The following ZEB1 variants were observed in gnomAD, a reference collection of about 807,000 sequenced individuals.
ZEB1 encodes zinc finger E-box-binding homeobox 1.
ZEB1 carries 21 observed loss-of-function variants against 84.9 expected under a neutral mutation model. That is an observed-to-expected ratio of 0.25 (90% confidence interval 0.18 to 0.36). ZEB1 has a LOEUF of 0.36. ZEB1 is among the 10% of genes least tolerant of loss of function. The pLI is 1.00. For missense variants in ZEB1, 1,104 were observed against 1,330.2 expected (o/e 0.83, Z 2.65); for synonymous variants, 420 against 471.1 (o/e 0.89, Z 1.41).
At chr10:31,370,596 C>G (rs1298303322) in intron 1 of ZEB1, among the ~76,000 whole-genome samples, 1 of 152,146 alleles carries the variant, frequency 6.6e-6, no homozygotes, top group Non-Finnish European at 1.5e-5. Context: ...ATACAACTTT[C>G]TTTCCCTAAC....
intron 4 of ZEB1, 38 bp from the exon 5 acceptor site, chr10:31,510,635 A>G (rs1028907039): frequency 1.3e-6 from 2 of 1,559,414 alleles, no homozygotes; most frequent in African/African-American, 2.7e-5. Context: ...TATTTTCTGA[A>G]TGTTTTAAAT....
chr10:31,458,980 A>G (rs1178319003), intron 1 of ZEB1, among the ~76,000 whole-genome samples: 2 of 152,148 alleles, frequency 1.3e-5, no homozygotes, highest in Non-Finnish European at 2.9e-5. Flanking sequence ...TGCATTTAAT[A>G]TACTTAACCT....
At chr10:31,431,518 C>T (rs2057709555) in intron 1 of ZEB1, among the ~76,000 whole-genome samples, 1 of 152,040 alleles carries the variant, frequency 6.6e-6, no homozygotes, top group South Asian at 2.1e-4. Context: ...GAAGCATAAA[C>T]AAAATTTATT....
intron 1 of ZEB1, among the ~76,000 whole-genome samples, chr10:31,398,699 A>G (rs1340245546): frequency 6.6e-6 from 1 of 152,132 alleles, no homozygotes; most frequent in Non-Finnish European, 1.5e-5. Flanking sequence ...TGCCAATCAG[A>G]TGGTCATCTC....
At chr10:31,440,943 G>A (rs1156681334) in intron 1 of ZEB1, among the ~76,000 whole-genome samples, 2 of 152,154 alleles carry the variant, frequency 1.3e-5, no homozygotes, top group African/African-American at 4.8e-5. Context: ...CATGCTCATG[G>A]ATAGGAAGAA....
intron 1 of ZEB1, among the ~76,000 whole-genome samples, chr10:31,420,935 C>T (rs538349562): frequency 6.6e-6 from 1 of 152,198 alleles, no homozygotes; most frequent in African/African-American, 2.4e-5. Context: ...ACAGTCCAGC[C>T]TGTTTCTTGA....
intron 1 of ZEB1, among the ~76,000 whole-genome samples, chr10:31,409,351 A>G (rs1355489407): frequency 6.6e-6 from 1 of 152,022 alleles, no homozygotes; most frequent in South Asian, 2.1e-4. Flanking sequence ...TTCCTCAGGG[A>G]TCTAGAACTA....
chr10:31,374,183 C>T (rs767845412), intron 1 of ZEB1, among the ~76,000 whole-genome samples: 1 of 151,782 alleles, frequency 6.6e-6, no homozygotes, highest in African/African-American at 2.4e-5. Flanking sequence ...TTGTCAAATA[C>T]GTGATTTTTG....
intron 1 of ZEB1, among the ~76,000 whole-genome samples, chr10:31,331,089 T>TTTTTTTTTTTTTTTTTTTTTTTTG: frequency 8.3e-6 from 1 of 120,974 alleles, no homozygotes; most frequent in Non-Finnish European, 1.7e-5. Context: ...TTCTTTTTTT[T>TTTTTTTTTTTTTTTTTTTTTTTTG]TTTTTTTTTT....
At chr10:31,427,681 A>C (rs866062814) in intron 1 of ZEB1, among the ~76,000 whole-genome samples, 1 of 152,020 alleles carries the variant, frequency 6.6e-6, no homozygotes, top group African/African-American at 2.4e-5. Flanking sequence ...GTGAAACCCC[A>C]TCTCTACTAA....
intron 1 of ZEB1, among the ~76,000 whole-genome samples, chr10:31,391,786 C>A (rs1165643202): frequency 6.6e-6 from 1 of 152,068 alleles, no homozygotes; most frequent in Non-Finnish European, 1.5e-5. Context: ...CCTGGGGATC[C>A]TTGGATGGAT....
intron 1 of ZEB1, among the ~76,000 whole-genome samples, chr10:31,430,029 C>T (rs1186174893): frequency 6.6e-6 from 1 of 152,030 alleles, no homozygotes; most frequent in African/African-American, 2.4e-5. Context: ...GCGTGAGCCA[C>T]CACGCCCAGC....
intron 1 of ZEB1, among the ~76,000 whole-genome samples, chr10:31,427,570 T>C (rs2057116183): frequency 6.6e-6 from 1 of 152,096 alleles, no homozygotes; most frequent in Non-Finnish European, 1.5e-5. Context: ...CAATGAATCT[T>C]GGCCAGGCGC....
upstream of ZEB1, chr10:31,319,131 C>A (rs2032912615): frequency 1.3e-6 from 1 of 749,898 alleles, no homozygotes; most frequent in South Asian, 1.5e-5. Flanking sequence ...TGTCGTAAAC[C>A]AGGTGCGGTG....
chr10:31,357,776 GAAAATAC>G (rs1326197266), intron 1 of ZEB1, among the ~76,000 whole-genome samples: 1 of 151,658 alleles, frequency 6.6e-6, no homozygotes, highest in Non-Finnish European at 1.5e-5. Context: ...GCTCACATAA[GAAAATAC>G]ATATATTAGG....
chr10:31,440,959 AT>A (rs1431664600), intron 1 of ZEB1, among the ~76,000 whole-genome samples: 1 of 152,204 alleles, frequency 6.6e-6, no homozygotes, highest in Non-Finnish European at 1.5e-5. Flanking sequence ...AAGAATCAAT[AT>A]CGTGAAAATG....
At chr10:31,467,233 A>T (rs1353445803) in intron 2 of ZEB1, among the ~76,000 whole-genome samples, 1 of 152,028 alleles carries the variant, frequency 6.6e-6, no homozygotes, top group African/African-American at 2.4e-5. Flanking sequence ...TGGTAGGAGG[A>T]GCTGCCTGGA....
intron 2 of ZEB1, among the ~76,000 whole-genome samples, chr10:31,493,485 T>C (rs1391468342): frequency 6.6e-6 from 1 of 151,974 alleles, no homozygotes; most frequent in Non-Finnish European, 1.5e-5. Context: ...TGCATTTAGG[T>C]TAACCAGTTA....
chr10:31,522,027 A>C (rs2072528911), intron 7 of ZEB1, 91 bp downstream of exon 7: 2 of 1,553,714 alleles, frequency 1.3e-6, no homozygotes, highest in Admixed American at 1.8e-5. Context: ...AGTCCCGTAG[A>C]GCCAACTAGA....
Sources: gnomAD v4.1 joint callset for allele counts (sites outside exome capture counted in the v4.1 genomes callset) on GRCh38, gnomAD v4.1.1 for gene constraint, MANE v1.5 for transcripts, NCBI Gene and HGNC (gene_info 2026-07-23, HGNC 2026-07-21) for gene names.